The following CSMD1 variants were observed in gnomAD, a reference collection of about 807,000 sequenced individuals.
CSMD1 encodes the protein CUB and Sushi multiple domains 1.
A neutral mutation model predicts 417.5 loss-of-function variants in CSMD1; 213 were observed. The observed-to-expected ratio is 0.51, with a 90% CI of 0.46 to 0.57. The LOEUF is 0.57. CSMD1 is among the 20% of genes least tolerant of loss of function. The pLI, the probability that CSMD1 is intolerant of heterozygous loss-of-function variation, is 0.00. For synonymous variants in CSMD1, 2,862 were observed against 1,736.8 expected, an observed-to-expected ratio of 1.65 and a Z score of -16.11; for missense variants, 6,923 against 4,529.7, an observed-to-expected ratio of 1.53 and a Z score of -15.17.
chr8:4,352,951 C>A (rs1184583225), intron 3 of CSMD1, among the ~76,000 whole-genome samples: 3 of 152,148 alleles, frequency 2.0e-5, no homozygotes, highest in Non-Finnish European at 2.9e-5. Flanking sequence ...GCTTGTAGGG[C>A]TAATTATGGT....
chr8:4,621,197 G>A (rs1449559684), intron 2 of CSMD1, among the ~76,000 whole-genome samples: 2 of 151,878 alleles, frequency 1.3e-5, no homozygotes, highest in Admixed American at 6.6e-5. Flanking sequence ...GAGAAATCCT[G>A]GGGATGAGAC....
intron 3 of CSMD1, among the ~76,000 whole-genome samples, chr8:4,104,063 C>T (rs990416318): frequency 4.6e-5 from 7 of 152,186 alleles, no homozygotes; most frequent in African/African-American, 1.7e-4. Flanking sequence ...TCAAGTACTA[C>T]AATAGGTTCT....
At chr8:3,500,781 G>C (rs1005135197) in intron 10 of CSMD1, among the ~76,000 whole-genome samples, 1 of 152,190 alleles carries the variant, frequency 6.6e-6, no homozygotes, top group Admixed American at 6.5e-5. Context: ...GAACAGCAGA[G>C]TTGTAGGCAT....
At position 4,637,463 on chromosome 8, in the gene CSMD1, T is replaced by C; in HGVS notation, c.181A>G (p.Ile61Val). ...CTATTGCGCTCGCCCGTGATGATGA[T>C]CCAGGTGCAGTTGGCATAGTTCGGA... ...GYPNYANCTW[I>V]IITGERNRIQ... The change falls in exon 2 of 70, where the codon ATC becomes GTC. Residue 61 changes from isoleucine (I) to valine (V), a missense_variant. Ile to Val is a conservative substitution (Grantham distance 29, BLOSUM62 3). Coordinates refer to ENST00000635120, the MANE Select transcript of CSMD1 (RefSeq NM_033225.6). The C allele has an allele frequency of 5.6e-6, 9 of 1,613,782 alleles. No individual in the cohort carries two copies. Among genetic ancestry groups the C allele is most frequent in the South Asian group, 1.1e-5 (1 of 91,074 alleles).
rs1263507395 is a variant in CSMD1 at position 3,929,811 on chromosome 8, G to A, written c.818+68092C>T. ...TGAGTAGCTGGGACTACAGGCACAT[G>A]CCACCATGCCTGGCTAATTTTTGTG... is the stretch of plus-strand genomic sequence containing the variant. On this transcript the variant is annotated intron_variant, in intron 5 of 69. Coordinates refer to ENST00000635120, the MANE Select transcript of CSMD1 (RefSeq NM_033225.6). 2.0e-5 allele frequency among the ~76,000 whole-genome samples: 3 copies of A among 149,320 alleles called. 1 individual carries two copies. In the South Asian group the frequency reaches 6.6e-4, roughly 33 times the overall value.
intron 2 of CSMD1, among the ~76,000 whole-genome samples, chr8:4,516,626 T>G (rs934277731): frequency 6.6e-6 from 1 of 152,146 alleles, no homozygotes; most frequent in Non-Finnish European, 1.5e-5. Flanking sequence ...CATCGCCTGA[T>G]AAAACCTGTT....
At chr8:4,793,781 T>C (rs1378332422) in intron 1 of CSMD1, among the ~76,000 whole-genome samples, 1 of 150,830 alleles carries the variant, frequency 6.6e-6, no homozygotes, top group East Asian at 2.0e-4. Flanking sequence ...AAGAAATCTT[T>C]CTATGACAAA....
chr8:4,920,841 C>T (rs1187140665), intron 1 of CSMD1, among the ~76,000 whole-genome samples: 7 of 70,354 alleles, frequency 9.9e-5, no homozygotes, highest in Non-Finnish European at 1.3e-4. Flanking sequence ...AAAAAGAGAA[C>T]GAAAGAAAAG....
chr8:3,212,158 G>A lies in CSMD1; in HGVS notation c.4867+2339C>T, dbSNP rs185364773. Among the ~76,000 whole-genome samples the A allele has an allele frequency of 2.6e-4, 40 of 152,214 alleles. No individual in the cohort carries two copies. In the East Asian group the frequency reaches 6.2e-3, roughly 24 times the overall value. ...CACTGCCTCCCTCACCCATGAGCAC[G>A]CTGAGTTCTATTTGAAGCTCCCATA... On this transcript the variant is annotated intron_variant, in intron 30 of 69. Transcript: ENST00000635120.
intron 5 of CSMD1, among the ~76,000 whole-genome samples, chr8:3,972,655 A>G (rs1297890177): frequency 1.3e-5 from 2 of 152,222 alleles, no homozygotes; most frequent in African/African-American, 4.8e-5. Flanking sequence ...GATAGTAAGA[A>G]TAGTAACAGA....
intron 6 of CSMD1, among the ~76,000 whole-genome samples, chr8:3,720,397 T>A (rs1802083981): frequency 6.6e-6 from 1 of 152,204 alleles, no homozygotes; most frequent in East Asian, 1.9e-4. Context: ...TAATAAAAGC[T>A]GTCCAGGCAC....
At chr8:3,306,397 C>T (rs927600584) in intron 25 of CSMD1, among the ~76,000 whole-genome samples, 1 of 152,146 alleles carries the variant, frequency 6.6e-6, no homozygotes, top group Non-Finnish European at 1.5e-5. Context: ...TGATCTCGAA[C>T]TACTGATCTT....
At chr8:3,670,920 A>T (rs1374866483) in intron 7 of CSMD1, among the ~76,000 whole-genome samples, 3 of 147,098 alleles carry the variant, frequency 2.0e-5, no homozygotes, top group African/African-American at 7.4e-5. Context: ...TGGGATATAT[A>T]TGTATATGGG....
Position 3,832,481 on chromosome 8 carries a change from T to A in CSMD1, c.819-78439A>T, listed in dbSNP as rs571958151. Among the ~76,000 whole-genome samples the A allele has an allele frequency of 5.3e-5, 8 of 152,346 alleles. No individual in the cohort carries two copies. In the South Asian group the frequency reaches 1.7e-3, roughly 32 times the overall value. ...AAGATTTTTTGTTTCTTGTTCTAAA[T>A]GTGTATCCACATTTATCTGTTGCAT... On this transcript the variant is annotated intron_variant, in intron 5 of 69. Transcript: ENST00000635120.
intron 26 of CSMD1, among the ~76,000 whole-genome samples, chr8:3,250,423 A>G (rs368106887): frequency 2.0e-5 from 3 of 152,130 alleles, no homozygotes; most frequent in South Asian, 4.1e-4. Context: ...ATTCCATGGT[A>G]TATATGTGCC....
At chr8:3,672,086 T>G (rs1173734582) in intron 7 of CSMD1, among the ~76,000 whole-genome samples, 1 of 152,186 alleles carries the variant, frequency 6.6e-6, no homozygotes, top group Non-Finnish European at 1.5e-5. Context: ...AAGTGTATCA[T>G]TCTAAAAGGT....
chr8:3,959,356 G>T (rs567827549), intron 5 of CSMD1, among the ~76,000 whole-genome samples: 1 of 152,232 alleles, frequency 6.6e-6, no homozygotes, highest in South Asian at 2.1e-4. Context: ...AAAATTAGCT[G>T]GGTGTGATGG....
At chr8:4,049,455 C>T (rs1798311036) in intron 3 of CSMD1, among the ~76,000 whole-genome samples, 1 of 151,514 alleles carries the variant, frequency 6.6e-6, no homozygotes, top group African/African-American at 2.4e-5. Context: ...GAGATGTCAC[C>T]CAGTCCCTGG....
At chr8:3,970,138 AAAT>A (rs1812981758) in intron 5 of CSMD1, among the ~76,000 whole-genome samples, 1 of 152,202 alleles carries the variant, frequency 6.6e-6, no homozygotes, top group Admixed American at 6.5e-5. Flanking sequence ...TCATGCTCTA[AAAT>A]AATCATTTTA....
Sources: allele counts gnomAD v4.1 joint callset (sites outside exome capture counted in the v4.1 genomes callset), GRCh38; gene constraint gnomAD v4.1.1; transcripts MANE v1.5; gene names NCBI Gene and HGNC (gene_info 2026-07-23, HGNC 2026-07-21).